The following PCDH15 variants were observed in gnomAD, a reference collection of about 807,000 sequenced individuals.
The protein encoded by PCDH15 is protocadherin-15.
Under a neutral mutation model 178.5 loss-of-function variants are expected in PCDH15, and 129 were observed. The observed-to-expected ratio is 0.72, with a 90% CI of 0.63 to 0.84. The LOEUF (loss-of-function observed/expected upper bound fraction) is 0.84. Among genes scored for constraint, PCDH15 ranks in the 40% least tolerant of loss-of-function variants. The pLI is 0.00. For synonymous variants in PCDH15, 800 were observed against 732.0 expected (o/e 1.09, Z -1.50); for missense variants, 2,230 against 2,099.9 (o/e 1.06, Z -1.21).
chr10:54,644,181 G>A (rs553406812), intron 2 of PCDH15, among the ~76,000 whole-genome samples: 75 of 150,194 alleles, frequency 5.0e-4, no homozygotes, highest in African/African-American at 1.4e-3. Context: ...AGTATTCCAC[G>A]GTGTATATGT....
At chr10:54,205,421 A>G (rs1395314627) in intron 10 of PCDH15, among the ~76,000 whole-genome samples, 1 of 151,658 alleles carries the variant, frequency 6.6e-6, no homozygotes, top group Non-Finnish European at 1.5e-5. Flanking sequence ...CTGAAGCTCT[A>G]CAAAAGCTAT....
intron 2 of PCDH15, among the ~76,000 whole-genome samples, chr10:54,651,138 T>C (rs2094250618): frequency 6.6e-6 from 1 of 151,960 alleles, no homozygotes; most frequent in South Asian, 2.1e-4. Flanking sequence ...AAATGAGCCC[T>C]GGATAGATGG....
intron 2 of PCDH15, among the ~76,000 whole-genome samples, chr10:55,617,411 T>A (rs1186458367): frequency 6.6e-6 from 1 of 152,058 alleles, no homozygotes; most frequent in African/African-American, 2.4e-5. Flanking sequence ...TGCAGTGTGT[T>A]TGTGAAAGGT....
At chr10:53,991,911 A>G (rs2091515393) in intron 21 of PCDH15, among the ~76,000 whole-genome samples, 2 of 152,104 alleles carry the variant, frequency 1.3e-5, no homozygotes, top group Admixed American at 6.5e-5. Flanking sequence ...GTGGGGTCAG[A>G]TAAGGGAATA....
intron 2 of PCDH15, among the ~76,000 whole-genome samples, chr10:54,925,375 T>C (rs918720603): frequency 6.6e-6 from 1 of 152,134 alleles, no homozygotes; most frequent in Middle Eastern, 3.2e-3. Flanking sequence ...AGTTAGGTAG[T>C]ATAATGCCTC....
intron 10 of PCDH15, among the ~76,000 whole-genome samples, chr10:54,203,390 C>G (rs7093533): frequency 6.6e-6 from 1 of 152,084 alleles, no homozygotes; most frequent in African/African-American, 2.4e-5. Flanking sequence ...GCACGTATGC[C>G]TGTGTATACA....
chr10:54,979,969 A>G (rs1166120414), intron 2 of PCDH15, among the ~76,000 whole-genome samples: 1 of 152,196 alleles, frequency 6.6e-6, no homozygotes, highest in Non-Finnish European at 1.5e-5. Flanking sequence ...TGTGTCTTCA[A>G]TAATAGTGAC....
At chr10:54,029,224 T>C (rs1796103477) in intron 18 of PCDH15, among the ~76,000 whole-genome samples, 1 of 152,180 alleles carries the variant, frequency 6.6e-6, no homozygotes, top group Non-Finnish European at 1.5e-5. Context: ...TCAGCAGTAC[T>C]GTCAAGAACT....
At chr10:55,453,651 A>G (rs1589041446) in intron 2 of PCDH15, among the ~76,000 whole-genome samples, 2 of 152,084 alleles carry the variant, frequency 1.3e-5, no homozygotes, top group South Asian at 2.1e-4. Context: ...CCTGGCTTCA[A>G]CTACAATTCC....
chr10:55,461,978 C>A (rs1839689333), intron 2 of PCDH15, among the ~76,000 whole-genome samples: 2 of 152,022 alleles, frequency 1.3e-5, no homozygotes, highest in Non-Finnish European at 1.5e-5. Flanking sequence ...TTCGGTCACA[C>A]CCATTAATGG....
intron 2 of PCDH15, among the ~76,000 whole-genome samples, chr10:55,070,157 C>A (rs1401046044): frequency 6.6e-6 from 1 of 151,448 alleles, no homozygotes; most frequent in African/African-American, 2.4e-5. Flanking sequence ...TGTTTGAGTT[C>A]ATTGTAGATT....
At chr10:55,511,524 G>A (rs1246692680) in intron 2 of PCDH15, among the ~76,000 whole-genome samples, 2 of 151,858 alleles carry the variant, frequency 1.3e-5, no homozygotes, top group East Asian at 3.9e-4. Context: ...AATGCCATTT[G>A]GACAAAATTT....
intron 2 of PCDH15, among the ~76,000 whole-genome samples, chr10:55,375,033 G>C (rs946682826): frequency 2.0e-5 from 3 of 152,130 alleles, no homozygotes; most frequent in Admixed American, 2.0e-4. Context: ...TCCAGAGTTT[G>C]TTACACAGCT....
At chr10:54,052,054 G>A (rs940098121) in intron 18 of PCDH15, among the ~76,000 whole-genome samples, 2 of 152,200 alleles carry the variant, frequency 1.3e-5, no homozygotes, top group Admixed American at 1.3e-4. Context: ...AGATTTCAGA[G>A]GAAATATGGA....
chr10:54,852,885 T>TA (rs1367147932), intron 3 of PCDH15, among the ~76,000 whole-genome samples: 8 of 151,278 alleles, frequency 5.3e-5, no homozygotes, highest in Admixed American at 1.3e-4. Flanking sequence ...TAAAATAAAA[T>TA]AAATTAAAAT....
chr10:55,176,924 A>G (rs1416030298), intron 1 of PCDH15, among the ~76,000 whole-genome samples: 1 of 152,176 alleles, frequency 6.6e-6, no homozygotes, highest in African/African-American at 2.4e-5. Context: ...GGCATTGTCA[A>G]GGGATCTCTC....
intron 35 of PCDH15, among the ~76,000 whole-genome samples, chr10:53,813,765 C>T (rs1452872649): frequency 6.6e-6 from 1 of 152,064 alleles, no homozygotes; most frequent in Non-Finnish European, 1.5e-5. Flanking sequence ...CAATATAGGT[C>T]AGGTACCAAC....
intron 20 of PCDH15, among the ~76,000 whole-genome samples, chr10:54,012,272 C>G (rs994250865): frequency 6.6e-6 from 1 of 151,828 alleles, no homozygotes; most frequent in Admixed American, 6.6e-5. Flanking sequence ...TGGACAAAAC[C>G]CCTGAAACAT....
At chr10:54,961,263 C>T (rs987744021) in intron 2 of PCDH15, among the ~76,000 whole-genome samples, 1 of 152,160 alleles carries the variant, frequency 6.6e-6, no homozygotes. Flanking sequence ...CATTCTAGCC[C>T]CCTGCCACCA....
Sources: allele counts gnomAD v4.1 joint callset (sites outside exome capture counted in the v4.1 genomes callset), GRCh38; gene constraint gnomAD v4.1.1; transcripts MANE v1.5; gene names NCBI Gene and HGNC (gene_info 2026-07-23, HGNC 2026-07-21).